KMT2C: variants seen among roughly 807,000 people sequenced by gnomAD.
The protein encoded by KMT2C is histone-lysine N-methyltransferase 2C.
Under a neutral mutation model 507.9 loss-of-function variants are expected in KMT2C, and 88 were observed. The ratio of observed to expected loss-of-function variants is 0.17; its 90% CI spans 0.15 to 0.21. The LOEUF (loss-of-function observed/expected upper bound fraction) is 0.21, where lower values mean the gene tolerates loss of function less well. Ranked by LOEUF, KMT2C falls within the 10% of genes least tolerant of loss-of-function variation. The pLI is 1.00. For synonymous variants in KMT2C, 2,049 were observed against 2,080.8 expected (o/e 0.98, Z 0.42); for missense variants, 4,954 against 5,957.8 (o/e 0.83, Z 5.55).
intron 2 of KMT2C, among the ~76,000 whole-genome samples, chr7:152,340,228 T>A (rs1355945078): frequency 1.3e-5 from 2 of 151,186 alleles, no homozygotes; most frequent in Admixed American, 6.6e-5. Flanking sequence ...GCTCCAGTTA[T>A]CCTCCCACCT....
At chr7:152,360,956 C>T (rs1432211634) in intron 1 of KMT2C, among the ~76,000 whole-genome samples, 1 of 151,382 alleles carries the variant, frequency 6.6e-6, no homozygotes, top group African/African-American at 2.4e-5. Flanking sequence ...AAAGGAAGTA[C>T]CTGACTCAGA....
Position 152,435,723 on chromosome 7 carries a change from G to A in KMT2C, c.64C>T (p.Pro22Ser), listed in dbSNP as rs568758596. ...GCGGGGCTCGGGGCCGGGGCTCCAGGCTCCTCGGGGGGTGGTGGCGGCGGC... is the reference window on the plus strand; with the variant it reads ...GCGGGGCTCGGGGCCGGGGCTCCAGACTCCTCGGGGGGTGGTGGCGGCGGC... ...PQPPPPPPEE[P>S]GAPAPSPAAA... Residue 22 changes from proline to serine, a missense_variant, in exon 1 of 59, where the codon CCT (proline) becomes TCT (serine). Around this residue, in one of 29 missense-constraint regions of KMT2C, gnomAD observed 51 missense variants for 43.5 expected, o/e 1.17. Coordinates refer to ENST00000262189, the MANE Select transcript of KMT2C (RefSeq NM_170606.3). 9 of 1,532,710 alleles carry A rather than the reference G, an allele frequency of 5.9e-6. No individual in the cohort carries two copies. The African/African-American group carries it at 1.3e-4, about 22-fold the overall frequency. 94.9% of individuals were successfully genotyped at this position (1,532,710 alleles called of 1,614,324 possible).
At chr7:152,371,596 T>C (rs1176962928) in intron 1 of KMT2C, among the ~76,000 whole-genome samples, 1 of 151,986 alleles carries the variant, frequency 6.6e-6, no homozygotes, top group Non-Finnish European at 1.5e-5. Context: ...CTGAGTGATT[T>C]TTTTTTTAAT....
chr7:152,201,617 G>GGAAAAAAAAAAAAAAAAA (rs1491277955), intron 26 of KMT2C, among the ~76,000 whole-genome samples: 1 of 22,874 alleles, frequency 4.4e-5, no homozygotes, highest in African/African-American at 8.2e-5. Flanking sequence ...CAACAAAGAT[G>GGAAAAAAAAAAAAAAAAA]AAAAAAAAAA....
chr7:152,401,859 C>T (rs2097576461), intron 1 of KMT2C, among the ~76,000 whole-genome samples: 1 of 152,310 alleles, frequency 6.6e-6, no homozygotes, highest in African/African-American at 2.4e-5. Flanking sequence ...ACCTATAATC[C>T]CAGCACTCTG....
rs1563115912 is a variant in KMT2C, at chr7:152,139,837, C to A, written c.14344-46G>T. 5 of 1,373,834 alleles carry A rather than the reference C, an allele frequency of 3.6e-6. No homozygotes were observed. The African/African-American group carries it at 7.2e-5, about 20-fold the overall frequency. 85.1% of individuals were successfully genotyped at this position (1,373,834 alleles called of 1,614,324 possible). ...ACTTCCAATTTATGTGACAACAAGT[C>A]TTTTTTCTGTTTTTCATACAAAGGT... On this transcript the variant is annotated intron_variant, in intron 55 of 58. Coordinates refer to ENST00000262189, the MANE Select transcript of KMT2C (RefSeq NM_170606.3).
At chr7:152,237,720 C>T (rs1196824943) in intron 15 of KMT2C, among the ~76,000 whole-genome samples, 6 of 152,078 alleles carry the variant, frequency 3.9e-5, no homozygotes, top group Non-Finnish European at 7.4e-5. Context: ...AGGTTGGCCT[C>T]GAACTCCTGA....
Position 152,199,286 on chromosome 7 carries a change from T to C in KMT2C, c.4266A>G (p.Gly1422=), listed in dbSNP as rs188790653. Residue 1422 remains glycine (G), a synonymous_variant, in exon 27 of 59, where the codon GGA becomes GGG. Transcript: ENST00000262189. ...LSSSSAPTKS[G]THGPADDPLA... ...GTGAATAATTCTACATACCGTGAGT[T>C]CCAGATTTTGTTGGAGCCGAGGATG... is the stretch of plus-strand genomic sequence containing the variant. 1.9e-6 allele frequency: 3 copies of C among 1,595,252 alleles called. No homozygotes were observed. In the Admixed American group the frequency reaches 5.4e-5, roughly 29 times the overall value.
chr7:152,421,549 A>G (rs1242075452), intron 1 of KMT2C, among the ~76,000 whole-genome samples: 1 of 152,220 alleles, frequency 6.6e-6, no homozygotes, highest in Non-Finnish European at 1.5e-5. Flanking sequence ...GAGACAGAAT[A>G]CTGTGCAGCC....
intron 52 of KMT2C, among the ~76,000 whole-genome samples, chr7:152,147,321 T>C (rs745974526): frequency 1.3e-5 from 2 of 152,152 alleles, no homozygotes; most frequent in African/African-American, 4.8e-5. Flanking sequence ...TTCCTATACA[T>C]TGTCTTATGA....
chr7:152,145,254 G>A lies in KMT2C; in HGVS notation c.14073C>T (p.Tyr4691=), dbSNP rs151023183. 3.7e-4 allele frequency: 593 copies of A among 1,614,140 alleles called. 2 individuals are homozygous for A. The highest frequency in any genetic ancestry group is 2.8e-3 in the Admixed American group (171 of 60,016). The change falls in exon 54 of 59, where the codon TAC becomes TAT. Residue 4691 remains tyrosine, a synonymous_variant. Transcript: ENST00000262189. ...GAAGTTCCATGAGAGGATTTCGGCC[G>A]TATCGGAAGGTATAATTTTCACATG... The part of the protein sequence containing the change: ...VEACENYTFR[Y]GRNPLMELPL...
chr7:152,167,409 A>C (rs1422884355), intron 41 of KMT2C, 31 bp from the exon 42 acceptor site: 1 of 1,474,120 alleles, frequency 6.8e-7, no homozygotes, highest in Non-Finnish European at 9.4e-7. Context: ...AGTTGTGTTA[A>C]TTTTCTAAAG....
chr7:152,139,447 G>C (rs1275672556), intron 56 of KMT2C, among the ~76,000 whole-genome samples, 188 bp from the exon 57 acceptor site: 1 of 152,206 alleles, frequency 6.6e-6, no homozygotes, highest in Non-Finnish European at 1.5e-5. Flanking sequence ...TCAGTAGGTT[G>C]TGTGTGAAGC....
In KMT2C at chr7:152,187,294, A is replaced by T. The variant is rs1339313604; in HGVS notation, c.4976T>A (p.Ile1659Asn). The T allele has an allele frequency of 6.2e-7, 1 of 1,613,950 alleles. No individual in the cohort carries two copies. Among genetic ancestry groups the T allele is most frequent in the Non-Finnish European group, 8.5e-7 (1 of 1,179,964 alleles). The change falls in exon 33 of 59, where the codon ATT becomes AAT. Residue 1659 changes from isoleucine to asparagine, a missense_variant. By Grantham distance (149) the Ile-to-Asn change is moderately radical. Around this residue, in one of 29 missense-constraint regions of KMT2C, gnomAD observed 24 missense variants for 52.9 expected, o/e 0.45. Transcript: ENST00000262189. Reference sequence around the variant, plus strand: ...TTCTTCCTTTAAGTTGGGGAAATTAATATTGGTGTAGAGAACTGGGGCAAC... The same window carrying T: ...TTCTTCCTTTAAGTTGGGGAAATTATTATTGGTGTAGAGAACTGGGGCAAC... ...ATVAPVLYTNINFPNLKEEFP... is the reference protein window; with the variant it reads ...ATVAPVLYTNNNFPNLKEEFP...
intron 23 of KMT2C, among the ~76,000 whole-genome samples, chr7:152,214,670 G>C (rs1441662875): frequency 2.0e-5 from 3 of 152,188 alleles, no homozygotes; most frequent in Non-Finnish European, 4.4e-5. Flanking sequence ...GAACCGGGAG[G>C]AAAGTATACT....
intron 22 of KMT2C, 107 bp downstream of exon 22, chr7:152,221,894 G>C (rs772869391): frequency 2.7e-4 from 193 of 719,898 alleles, no homozygotes; most frequent in Admixed American, 7.9e-4. Flanking sequence ...ACAGAATTTG[G>C]ATAGAACACC....
At chr7:152,364,634 G>A (rs28415953) in intron 1 of KMT2C, among the ~76,000 whole-genome samples, 14 of 147,550 alleles carry the variant, frequency 9.5e-5, no homozygotes, top group African/African-American at 3.1e-4. Context: ...AAGAAAAAAA[G>A]AAAAAAATGC....
chr7:152,347,878 A>G (rs1197775460), intron 2 of KMT2C, among the ~76,000 whole-genome samples: 2 of 152,142 alleles, frequency 1.3e-5, no homozygotes, highest in Non-Finnish European at 2.9e-5. Context: ...TCCACGAAAA[A>G]TTTCCAATAT....
chr7:152,435,739 T>TGGC lies in KMT2C; in HGVS notation c.45_47dup (p.Pro19dup). ...GGGCTCCAGGCTCCTCGGGGGGTGG[T>TGGC]GGCGGCGGCTGCGGCTGCTCCACGC... On this transcript the variant is annotated inframe_insertion, in exon 1 of 59. Transcript: ENST00000262189. 1.3e-6 allele frequency: 2 copies of TGGC among 1,503,128 alleles called. No homozygotes were observed. The highest frequency in any genetic ancestry group is 1.8e-6 in the Non-Finnish European group (2 of 1,122,144). 93.1% of individuals were successfully genotyped at this position (1,503,128 alleles called of 1,614,324 possible). A position where few individuals can be genotyped will look rare whatever the true frequency, so the allele number is the denominator to read the frequency against.
Sources: gnomAD v4.1 joint callset for allele counts (sites outside exome capture counted in the v4.1 genomes callset) on GRCh38, gnomAD v4.1.1 for gene constraint, gnomAD v4.1.1 regional missense constraint, MANE v1.5 for transcripts, NCBI Gene and HGNC (gene_info 2026-07-23, HGNC 2026-07-21) for gene names.